Variants in DCLRE1C observed in about 807,000 individuals in gnomAD.
DCLRE1C encodes DNA cross-link repair 1C.
Under a neutral mutation model 61.4 loss-of-function variants are expected in DCLRE1C, and 47 were observed. That is an observed-to-expected ratio of 0.77 (90% CI 0.61 to 0.98). The LOEUF is 0.98. Ranked by LOEUF, DCLRE1C falls within the 50% of genes least tolerant of loss-of-function variation. DCLRE1C has a pLI of 0.00. For synonymous variants in DCLRE1C, 337 were observed against 287.6 expected, an observed-to-expected ratio of 1.17 and a Z score of -1.74; for missense variants, 858 against 816.0, an observed-to-expected ratio of 1.05 and a Z score of -0.63.
intron 2 of DCLRE1C, among the ~76,000 whole-genome samples, chr10:14,947,015 C>A (rs1175731128): frequency 6.6e-6 from 1 of 152,146 alleles, no homozygotes; most frequent in East Asian, 1.9e-4. Flanking sequence ...AGTTTGAGAC[C>A]AGCCTGACCA....
intron 6 of DCLRE1C, 56 bp from the exon 7 acceptor site, chr10:14,934,831 C>A: frequency 7.2e-7 from 1 of 1,398,224 alleles, no homozygotes; most frequent in South Asian, 1.2e-5. Context: ...TTATGTGTAA[C>A]TTTTTTTGTT....
chr10:14,938,484 A>C (rs926768862), intron 4 of DCLRE1C, among the ~76,000 whole-genome samples: 2 of 152,186 alleles, frequency 1.3e-5, no homozygotes, highest in Admixed American at 6.5e-5. Flanking sequence ...TTTCTGTTCA[A>C]CAACACAACA....
At chr10:14,930,060 G>A (rs1173542109) in intron 9 of DCLRE1C, among the ~76,000 whole-genome samples, 1 of 152,098 alleles carries the variant, frequency 6.6e-6, no homozygotes, top group Admixed American at 6.6e-5. Context: ...GGATTTATGG[G>A]GCAAGGGGCC....
At chr10:14,951,630 G>A (rs1354165543) in intron 1 of DCLRE1C, among the ~76,000 whole-genome samples, 7 of 152,054 alleles carry the variant, frequency 4.6e-5, no homozygotes, top group East Asian at 1.9e-4. Flanking sequence ...GATGCGGGGC[G>A]ATTTGGTTTC....
chr10:14,937,040 G>A (rs186702793), intron 4 of DCLRE1C, among the ~76,000 whole-genome samples: 45 of 152,244 alleles, frequency 3.0e-4, no homozygotes, highest in East Asian at 2.1e-3. Flanking sequence ...GAAAGAAGCC[G>A]GATAAGAAAT....
intron 3 of DCLRE1C, 141 bp downstream of exon 3, chr10:14,944,964 C>T: frequency 1.6e-6 from 1 of 615,192 alleles, no homozygotes; most frequent in Non-Finnish European, 2.8e-6. Context: ...TGTAAGCCAC[C>T]ATGTCCGGCC....
chr10:14,919,836 AAATG>A lies in DCLRE1C; in HGVS notation c.1062-8_1062-5del, dbSNP rs777604569. On this transcript the variant is annotated splice_region_variant and splice_polypyrimidine_tract_variant and intron_variant, in intron 12 of 13. Coordinates refer to ENST00000378278, the MANE Select transcript of DCLRE1C (RefSeq NM_001033855.3). Reference sequence around the variant, plus strand: ...AGACCGGCATAAAGGCTTTAAGCTGAAATGAATCAGAATATTTGATTTTTCCTTT... The same window carrying A: ...AGACCGGCATAAAGGCTTTAAGCTGAAATCAGAATATTTGATTTTTCCTTT... 1.3e-5 allele frequency: 21 copies of A among 1,605,988 alleles called. No individual in the cohort carries two copies. Among genetic ancestry groups the A allele is most frequent in the Non-Finnish European group, 1.8e-5 (21 of 1,172,622 alleles).
At position 14,928,737 on chromosome 10, in the gene DCLRE1C, A is replaced by G. The variant is rs41298870; in HGVS notation, c.781-585T>C. 5.3e-3 allele frequency among the ~76,000 whole-genome samples: 796 copies of G among 150,506 alleles called. 6 individuals are homozygous for G. Among genetic ancestry groups the G allele is most frequent in the African/African-American group, 0.018 (753 of 40,942 alleles). On this transcript the variant is annotated intron_variant, in intron 9 of 13. Transcript: ENST00000378278. ...TATAAGTACAGAGACAGAGGAAGAGAGGTGCAAAGTGTTGGCAACGCAGCA... is the reference window on the plus strand; with the variant it reads ...TATAAGTACAGAGACAGAGGAAGAGGGGTGCAAAGTGTTGGCAACGCAGCA...
At chr10:14,936,686 AC>A in intron 4 of DCLRE1C, 93 bp from the exon 5 acceptor site, 1 of 824,390 alleles carries the variant, frequency 1.2e-6, no homozygotes, top group African/African-American at 1.7e-5. Flanking sequence ...ACATTTATGT[AC>A]CTTTTAACAA....
exon 14 of DCLRE1C, chr10:14,899,260 C>A: frequency 1.4e-6 from 1 of 701,996 alleles, no homozygotes; most frequent in South Asian, 1.5e-5. Flanking sequence ...TTAAAGGATA[C>A]AGGGAGTCAT....
Position 14,929,572 on chromosome 10 carries a change from G to A in DCLRE1C, c.781-1420C>T, listed in dbSNP as rs557161598. Among the ~76,000 whole-genome samples, 6 of 152,094 alleles carry A rather than the reference G, an allele frequency of 3.9e-5. No homozygotes were observed. In the South Asian group the frequency reaches 6.2e-4, roughly 16 times the overall value. Reference sequence around the variant, plus strand: ...CAGGAAGATCACTTGAGCCTGGGGGGTCGAGGCTACAGTGAGCAATGATTG... The same window carrying A: ...CAGGAAGATCACTTGAGCCTGGGGGATCGAGGCTACAGTGAGCAATGATTG... On this transcript the variant is annotated intron_variant, in intron 9 of 13. Coordinates refer to ENST00000378278, the MANE Select transcript of DCLRE1C (RefSeq NM_001033855.3).
At chr10:14,932,583 C>G (rs41297958) in intron 9 of DCLRE1C, among the ~76,000 whole-genome samples, 1,545 of 152,174 alleles carry the variant, frequency 0.01, 34 homozygotes, top group African/African-American at 0.035. Context: ...TTGCAGTGAG[C>G]CTAGATCGCA....
intron 13 of DCLRE1C, chr10:14,899,568 A>G (rs768113481): frequency 2.5e-6 from 4 of 1,614,040 alleles, no homozygotes; most frequent in South Asian, 1.1e-5. Context: ...CTGAAAGACG[A>G]GGACAGTTCT....
At chr10:14,933,478 A>G (rs1839364889) in intron 8 of DCLRE1C, among the ~76,000 whole-genome samples, 1 of 152,078 alleles carries the variant, frequency 6.6e-6, no homozygotes, top group Non-Finnish European at 1.5e-5. Flanking sequence ...CTCTACTAAA[A>G]ATACAAAAAT....
At chr10:14,923,977 A>G (rs371576193) in intron 11 of DCLRE1C, among the ~76,000 whole-genome samples, 14 of 152,366 alleles carry the variant, frequency 9.2e-5, no homozygotes, top group African/African-American at 3.4e-4. Context: ...CAACCTGCCT[A>G]CATGCAACCC....
chr10:14,934,824 T>C, intron 6 of DCLRE1C, 49 bp from the exon 7 acceptor site: 6 of 1,432,634 alleles, frequency 4.2e-6, no homozygotes, highest in Non-Finnish European at 5.9e-6. Flanking sequence ...ATATAAATTA[T>C]GTGTAACTTT....
At chr10:14,916,847 C>G (rs763039441) in intron 13 of DCLRE1C, among the ~76,000 whole-genome samples, 51 of 152,172 alleles carry the variant, frequency 3.4e-4, no homozygotes, top group African/African-American at 1.0e-3. Context: ...AATTGATCAA[C>G]AGATTTAAAA....
intron 9 of DCLRE1C, among the ~76,000 whole-genome samples, chr10:14,928,797 T>C (rs561795712): frequency 1.4e-5 from 2 of 143,386 alleles, no homozygotes; most frequent in Non-Finnish European, 3.1e-5. Flanking sequence ...TTTTTTTTTT[T>C]TTTTTTAGAC....
rs762682937 is a variant in DCLRE1C, at chr10:14,928,196, A to G, written c.781-44T>C. The G allele has an allele frequency of 3.8e-6, 6 of 1,592,422 alleles. No individual in the cohort carries two copies. In the Admixed American group the frequency reaches 6.7e-5, roughly 18 times the overall value. On this transcript the variant is annotated intron_variant, in intron 9 of 13. Transcript: ENST00000378278. ...ATAGAAAAACAGTTCTACATTTTCT[A>G]CAAATCTGTTGTAGGCAGAGTCTCA...
Sources: allele counts gnomAD v4.1 joint callset (sites outside exome capture counted in the v4.1 genomes callset), GRCh38; gene constraint gnomAD v4.1.1; transcripts MANE v1.5; gene names NCBI Gene and HGNC (gene_info 2026-07-23, HGNC 2026-07-21).